CES5A: variants seen among roughly 807,000 people sequenced by gnomAD.
CES5A encodes the protein carboxylesterase 5A.
In CES5A, 67 loss-of-function variants were observed where a neutral mutation model predicts 62.9. The observed-to-expected ratio is 1.07, with a 90% confidence interval of 0.88 to 1.31. CES5A has a LOEUF of 1.31. Ranked by LOEUF, CES5A falls within the 50% of genes most tolerant of loss-of-function variation. The pLI is 0.00. For missense variants in CES5A, 748 were observed against 708.5 expected (o/e 1.06, Z -0.63); for synonymous variants, 296 against 280.8 (o/e 1.05, Z -0.54).
intron 2 of CES5A, among the ~76,000 whole-genome samples, chr16:55,942,759 A>T (rs189570152): frequency 6.6e-6 from 1 of 152,366 alleles, no homozygotes; most frequent in Admixed American, 6.5e-5. Flanking sequence ...AATATCCAAA[A>T]TTGGAAATAA....
At chr16:55,951,220 C>T (rs112898090) in intron 1 of CES5A, among the ~76,000 whole-genome samples, 1,918 of 151,514 alleles carry the variant, frequency 0.013, 47 homozygotes, top group African/African-American at 0.044. Flanking sequence ...ACTTTGGCTG[C>T]CATAGCAAAA....
intron 1 of CES5A, among the ~76,000 whole-genome samples, chr16:55,909,872 C>T (rs1349000084): frequency 5.9e-5 from 9 of 152,178 alleles, no homozygotes; most frequent in African/African-American, 2.2e-4. Flanking sequence ...ACCAGATGGT[C>T]CCTAAGGAGC....
intron 4 of CES5A, among the ~76,000 whole-genome samples, chr16:55,868,720 C>A (rs531963263): frequency 5.4e-4 from 82 of 152,276 alleles, no homozygotes; most frequent in African/African-American, 1.8e-3. Context: ...CCTGGCCCCA[C>A]CTCTCACTTC....
intron 5 of CES5A, among the ~76,000 whole-genome samples, chr16:55,863,933 T>A (rs1489539212): frequency 6.6e-6 from 1 of 151,994 alleles, no homozygotes; most frequent in Non-Finnish European, 1.5e-5. Context: ...ATTTTTGTAT[T>A]TTTAGCAGAG....
chr16:55,892,350 C>T lies in CES5A; in HGVS notation c.-255-18313G>A, dbSNP rs114900256. ...TGTTTGATCAGTGTCTCATGCCTCC[C>T]TAAAATGCATAAAACCAAGCTGCAC... On this transcript the variant is annotated intron_variant, in intron 1 of 12. Transcript: ENST00000518005. Among the ~76,000 whole-genome samples, 704 of 152,284 alleles carry T rather than the reference C, an allele frequency of 4.6e-3. 9 individuals are homozygous for T. The highest frequency in any genetic ancestry group is 0.016 in the African/African-American group (678 of 41,552).
intron 1 of CES5A, among the ~76,000 whole-genome samples, chr16:55,905,350 C>G (rs2034029822): frequency 6.6e-6 from 1 of 151,164 alleles, no homozygotes; most frequent in African/African-American, 2.4e-5. Context: ...CTGGCACTCC[C>G]CAGAATATCT....
chr16:55,943,449 G>C (rs1410916263), intron 2 of CES5A, among the ~76,000 whole-genome samples: 6 of 152,160 alleles, frequency 3.9e-5, no homozygotes, highest in African/African-American at 1.4e-4. Flanking sequence ...TTTTCAACGT[G>C]TTATCCCTTT....
intron 3 of CES5A, among the ~76,000 whole-genome samples, chr16:55,870,622 C>T (rs781287947): frequency 6.6e-6 from 1 of 151,596 alleles, no homozygotes; most frequent in Non-Finnish European, 1.5e-5. Flanking sequence ...CCCTTGAGCC[C>T]GGATGGCAAA....
rs1199111978 is a variant in CES5A at position 55,865,858 on chromosome 16, A to C, written c.705+105T>G. 4 of 1,270,204 alleles carry C rather than the reference A, an allele frequency of 3.1e-6. No individual in the cohort carries two copies. In the African/African-American group the frequency reaches 4.4e-5, roughly 14 times the overall value. The allele number at this position is 1,270,204 out of a possible 1,614,324, so 78.7% of individuals were successfully genotyped here. On this transcript the variant is annotated intron_variant, in intron 5 of 12. Coordinates refer to ENST00000290567, the MANE Select transcript of CES5A (RefSeq NM_001143685.2). ...GCTTGAAAAAGACAATGTGTATTAA[A>C]GGGTTTGTTCAACATGAAGGCAACA...
chr16:55,871,978 AG>A, intron 2 of CES5A: 2 of 516,852 alleles, frequency 3.9e-6, no homozygotes, highest in Admixed American at 6.3e-5. Context: ...GTTCCTGGGT[AG>A]GAAAGCACAT....
intron 1 of CES5A, among the ~76,000 whole-genome samples, chr16:55,883,141 C>T (rs910332207): frequency 5.9e-5 from 9 of 152,298 alleles, no homozygotes; most frequent in East Asian, 3.9e-4. Flanking sequence ...TCAGAGTTAC[C>T]GCTTGGTTGA....
intron 2 of CES5A, among the ~76,000 whole-genome samples, chr16:55,935,466 C>T (rs2034363576): frequency 6.6e-6 from 1 of 152,178 alleles, no homozygotes; most frequent in South Asian, 2.1e-4. Context: ...CTCACTGACA[C>T]AGCCAGAATA....
chr16:55,938,787 TATATATATATAC>T lies in CES5A; in HGVS notation c.160+10986_160+10997del, dbSNP rs1336423477. 8.7e-3 allele frequency among the ~76,000 whole-genome samples: 664 copies of T among 76,422 alleles called. 20 individuals are homozygous for T. The highest frequency in any genetic ancestry group is 0.029 in the African/African-American group (560 of 19,094). 50.1% of individuals were successfully genotyped at this position (76,422 alleles called of 152,430 possible). ...AAAAATATATATATATATATATATA[TATATATATATAC>T]ACACATATATATATATACACACACA... On this transcript the variant is annotated intron_variant, in intron 2 of 13. Transcript: ENST00000521992.
At chr16:55,898,981 T>A (rs1490735780) in intron 1 of CES5A, among the ~76,000 whole-genome samples, 2 of 152,236 alleles carry the variant, frequency 1.3e-5, no homozygotes, top group Non-Finnish European at 2.9e-5. Flanking sequence ...AAGTTCCTAC[T>A]GCTGGTGTAG....
chr16:55,874,724 A>T (rs905574810), intron 1 of CES5A, among the ~76,000 whole-genome samples: 2 of 152,188 alleles, frequency 1.3e-5, no homozygotes, highest in Non-Finnish European at 2.9e-5. Context: ...GGTCTCAGTC[A>T]CCACACAGAA....
intron 1 of CES5A, among the ~76,000 whole-genome samples, chr16:55,922,602 A>G (rs1335294234): frequency 1.3e-5 from 2 of 151,986 alleles, no homozygotes; most frequent in African/African-American, 2.4e-5. Context: ...ATAGTAGGAA[A>G]TTTTAACACC....
chr16:55,860,810 A>G (rs112421928), intron 7 of CES5A, among the ~76,000 whole-genome samples: 5 of 152,356 alleles, frequency 3.3e-5, no homozygotes, highest in African/African-American at 1.2e-4. Flanking sequence ...TACACACCAC[A>G]TAACTAGCAA....
At chr16:55,850,038 G>T (rs1260718288) in intron 10 of CES5A, among the ~76,000 whole-genome samples, 1 of 152,158 alleles carries the variant, frequency 6.6e-6, no homozygotes, top group Admixed American at 6.5e-5. Context: ...CTACTTTGTT[G>T]GGACTTTCTC....
intron 5 of CES5A, among the ~76,000 whole-genome samples, chr16:55,865,363 T>G (rs2033435069): frequency 1.3e-5 from 2 of 152,182 alleles, no homozygotes; most frequent in South Asian, 4.1e-4. Context: ...AGTAAAATAT[T>G]TGCAGGAAAA....
Sources: gnomAD v4.1 joint callset for allele counts (sites outside exome capture counted in the v4.1 genomes callset) on GRCh38, gnomAD v4.1.1 for gene constraint, MANE v1.5 for transcripts, NCBI Gene and HGNC (gene_info 2026-07-23, HGNC 2026-07-21) for gene names.